The following UBA2 variants were observed in gnomAD, a reference collection of about 807,000 sequenced individuals.
UBA2 encodes SUMO-activating enzyme subunit 2.
UBA2 carries 11 observed loss-of-function variants against 77.2 expected under a neutral mutation model. The ratio of observed to expected loss-of-function variants is 0.14; its 90% confidence interval spans 0.09 to 0.24. The LOEUF is 0.24. Among genes scored for constraint, UBA2 ranks in the 10% least tolerant of loss-of-function variants. UBA2 has a pLI of 1.00. For synonymous variants in UBA2, 278 were observed against 276.7 expected, an observed-to-expected ratio of 1.00 and a Z score of -0.05; for missense variants, 487 against 781.7, an observed-to-expected ratio of 0.62 and a Z score of 4.50.
chr19:34,453,975 G>A (rs1463131720), intron 10 of UBA2, among the ~76,000 whole-genome samples: 3 of 151,962 alleles, frequency 2.0e-5, no homozygotes, highest in African/African-American at 7.3e-5. Flanking sequence ...CTGAGTCTCC[G>A]GTGCCTTTGT....
chr19:34,459,857 G>A (rs1054532183), intron 13 of UBA2, among the ~76,000 whole-genome samples: 3 of 152,182 alleles, frequency 2.0e-5, no homozygotes, highest in African/African-American at 7.2e-5. Context: ...TTATGTTTTG[G>A]TCAAGGAAGT....
At chr19:34,446,788 G>T (rs1191930737) in intron 8 of UBA2, among the ~76,000 whole-genome samples, 2 of 151,838 alleles carry the variant, frequency 1.3e-5, no homozygotes, top group Non-Finnish European at 2.9e-5. Context: ...TGTATTTTTA[G>T]TAGATAGGGG....
intron 7 of UBA2, 133 bp downstream of exon 7, chr19:34,444,044 GTTTT>G (rs35028159): frequency 0.02 from 3,504 of 174,044 alleles, 2 homozygotes; most frequent in South Asian, 0.045. Context: ...TTTTTTTTTT[GTTTT>G]TTTTTTTTTT....
intron 6 of UBA2, among the ~76,000 whole-genome samples, chr19:34,442,475 C>T (rs775894014): frequency 9.2e-5 from 14 of 152,076 alleles, no homozygotes; most frequent in Admixed American, 7.2e-4. Flanking sequence ...GATGGAGTTT[C>T]GCTCTTGTTG....
At chr19:34,456,767 A>G (rs2075566912) in intron 12 of UBA2, among the ~76,000 whole-genome samples, 1 of 152,054 alleles carries the variant, frequency 6.6e-6, no homozygotes, top group Non-Finnish European at 1.5e-5. Flanking sequence ...CATGTTAGCC[A>G]GGCTGGTCAT....
intron 6 of UBA2, among the ~76,000 whole-genome samples, chr19:34,440,118 G>T (rs1348056725): frequency 6.6e-6 from 1 of 152,090 alleles, no homozygotes; most frequent in Non-Finnish European, 1.5e-5. Flanking sequence ...GAGGCCAGGA[G>T]TTTGAGAACA....
Position 34,445,961 on chromosome 19 carries a change from A to G in UBA2, c.771+840A>G, listed in dbSNP as rs1344959667. 2.6e-5 allele frequency among the ~76,000 whole-genome samples: 4 copies of G among 152,052 alleles called. No homozygotes were observed. The East Asian group carries it at 7.7e-4, about 29-fold the overall frequency. On this transcript the variant is annotated intron_variant, in intron 8 of 16. Transcript: ENST00000246548. ...TCTAGACCCGTAGGTCCGTGTTTTA[A>G]AAGTTTTTTTGTTCTGTCTTGACTC...
intron 1 of UBA2, chr19:34,429,078 G>A (rs2075221455): frequency 4.1e-6 from 4 of 984,970 alleles, no homozygotes; most frequent in Non-Finnish European, 4.8e-6. Flanking sequence ...ACCACCCGAG[G>A]AGTGCAAACG....
intron 7 of UBA2, 151 bp downstream of exon 7, chr19:34,444,062 T>TG: frequency 2.8e-5 from 13 of 462,394 alleles, no homozygotes; most frequent in Non-Finnish European, 4.0e-5. Flanking sequence ...TTTTTTTTTT[T>TG]TTTTTTGTCT....
rs185288612 is a variant in UBA2, at chr19:34,459,017, A to G, written c.1401+93A>G. ...TAGCTGCTGATTCTGAAAAGGTCCA[A>G]CTGCAGAGATGTGTGGCTGTGATTT... On this transcript the variant is annotated intron_variant, in intron 13 of 16. Transcript: ENST00000246548. 1.1e-4 allele frequency: 151 copies of G among 1,321,664 alleles called. No individual in the cohort carries two copies. The African/African-American group carries it at 1.8e-3, about 16-fold the overall frequency. 81.9% of individuals were successfully genotyped at this position (1,321,664 alleles called of 1,614,324 possible).
chr19:34,431,782 A>G (rs2075258631), intron 2 of UBA2, 79 bp from the exon 3 acceptor site: 5 of 1,267,702 alleles, frequency 3.9e-6, no homozygotes, highest in Non-Finnish European at 5.8e-6. Flanking sequence ...TAAGTAGATA[A>G]CAGCATTGTG....
chr19:34,447,257 T>G (rs2075442277), intron 8 of UBA2, among the ~76,000 whole-genome samples: 1 of 152,164 alleles, frequency 6.6e-6, no homozygotes, highest in South Asian at 2.1e-4. Context: ...GGCAGCTGAT[T>G]AGATGGTGCC....
chr19:34,436,889 C>T (rs540902313), intron 5 of UBA2, among the ~76,000 whole-genome samples: 80 of 152,170 alleles, frequency 5.3e-4, no homozygotes, highest in African/African-American at 1.4e-3. Flanking sequence ...TATGTCAGTG[C>T]GTATTAAGTT....
In UBA2 at chr19:34,458,760, C is replaced by T; in HGVS notation, c.1246-9C>T. On this transcript the variant is annotated splice_polypyrimidine_tract_variant and intron_variant, in intron 12 of 16. Coordinates refer to ENST00000246548, the MANE Select transcript of UBA2 (RefSeq NM_005499.3). Reference sequence around the variant, plus strand: ...TTTCCGATTTCTGCCTGTTATTTCTCCTCCAAAGATTTTTTTGAATAAACA... The same window carrying T: ...TTTCCGATTTCTGCCTGTTATTTCTTCTCCAAAGATTTTTTTGAATAAACA... 3 of 1,606,010 alleles carry T rather than the reference C, an allele frequency of 1.9e-6. No homozygotes were observed. The highest frequency in any genetic ancestry group is 2.5e-6 in the Non-Finnish European group (3 of 1,176,838).
chr19:34,460,470 A>C lies in UBA2; in HGVS notation c.1402A>C (p.Ile468Leu), dbSNP rs371247982. 58 of 1,501,750 alleles carry C rather than the reference A, an allele frequency of 3.9e-5. No homozygotes were observed. The highest frequency in any genetic ancestry group is 5.1e-5 in the Non-Finnish European group (57 of 1,109,078). 93.0% of individuals were successfully genotyped at this position (1,501,750 alleles called of 1,614,324 possible). ...KVTVLTLQDK[I>L]VKEKFAMVAP... The stretch of plus-strand genomic sequence containing the variant: ...TGAATCCTTTTTTTTTTTTTTGTAG[A>C]TAGTGAAAGAAAAATTTGCTATGGT... The change falls in exon 14 of 17, where the codon ATA becomes CTA. Residue 468 changes from isoleucine (I) to leucine (L), a missense_variant and splice_region_variant. Around this residue, in one of 9 missense-constraint regions of UBA2, gnomAD observed 300 missense variants for 454.3 expected, o/e 0.66. Transcript: ENST00000246548.
At chr19:34,429,200 CTG>C (rs1187437687) in intron 1 of UBA2, 132 of 985,270 alleles carry the variant, frequency 1.3e-4, no homozygotes, top group Middle Eastern at 5.2e-4. Context: ...GGCTGCGTGA[CTG>C]TCATTGCTCT....
At chr19:34,449,837 G>A (rs569493984) in intron 8 of UBA2, among the ~76,000 whole-genome samples, 87 of 152,292 alleles carry the variant, frequency 5.7e-4, no homozygotes, top group Middle Eastern at 6.8e-3. Context: ...TTGTGTGCAT[G>A]TCCCCATGAG....
chr19:34,430,535 C>G (rs777798268), intron 1 of UBA2, 41 bp from the exon 2 acceptor site: 1 of 1,494,530 alleles, frequency 6.7e-7, no homozygotes, highest in Non-Finnish European at 9.3e-7. Flanking sequence ...CTCAAACATA[C>G]GTAAACGTTT....
chr19:34,438,518 T>G, intron 5 of UBA2, 127 bp from the exon 6 acceptor site: 1 of 1,162,618 alleles, frequency 8.6e-7, no homozygotes, highest in Non-Finnish European at 1.2e-6. Context: ...GAGTCACTAA[T>G]ATTTTAAAAT....
Sources: gnomAD v4.1 joint callset for allele counts (sites outside exome capture counted in the v4.1 genomes callset) on GRCh38, gnomAD v4.1.1 for gene constraint, gnomAD v4.1.1 regional missense constraint, MANE v1.5 for transcripts, NCBI Gene and HGNC (gene_info 2026-07-23, HGNC 2026-07-21) for gene names.